NOP56: variants seen among roughly 807,000 people sequenced by gnomAD.
NOP56 encodes the protein nucleolar protein 56.
In NOP56, 31 loss-of-function variants were observed where a neutral mutation model predicts 58.3. The observed-to-expected ratio is 0.53, with a 90% confidence interval of 0.40 to 0.72. The LOEUF (loss-of-function observed/expected upper bound fraction) is 0.72. Ranked by LOEUF, NOP56 falls within the 30% of genes least tolerant of loss-of-function variation. NOP56 has a pLI of 0.00. For missense variants in NOP56, 669 were observed against 739.9 expected, an observed-to-expected ratio of 0.90 and a Z score of 1.11; for synonymous variants, 313 against 282.8, an observed-to-expected ratio of 1.11 and a Z score of -1.07.
At chr20:2,653,826 T>A (rs905704957) in intron 3 of NOP56, 5 of 261,190 alleles carry the variant, frequency 1.9e-5, no homozygotes, top group Non-Finnish European at 3.8e-5. Flanking sequence ...CGGCTAATTT[T>A]GTATTTTTGG....
intron 3 of NOP56, 57 bp downstream of exon 3, chr20:2,653,450 C>G: frequency 6.9e-7 from 1 of 1,442,194 alleles, no homozygotes; most frequent in East Asian, 2.3e-5. Flanking sequence ...GGTATCCTCT[C>G]GGGCAGCTTG....
At position 2,656,831 on chromosome 20, in the gene NOP56, CCTT is replaced by C. The variant is rs776210092; in HGVS notation, c.1220_1222del (p.Phe407del). The C allele has an allele frequency of 2.0e-5, 32 of 1,613,994 alleles. No homozygotes were observed. The highest frequency in any genetic ancestry group is 2.3e-5 in the Non-Finnish European group (27 of 1,180,050). The stretch of plus-strand genomic sequence containing the variant: ...CGAGAACAAGTTGAAGAGCGACTGT[CCTT>C]CTATGAGACTGGAGAGATACCACGA... On this transcript the variant is annotated inframe_deletion, in exon 10 of 12. Transcript: ENST00000329276.
chr20:2,654,654 T>C, intron 4 of NOP56, 79 bp downstream of exon 4: 1 of 1,606,656 alleles, frequency 6.2e-7, no homozygotes, highest in Admixed American at 1.7e-5. Context: ...TTGCTTGTTG[T>C]GATTTCTGGG....
intron 11 of NOP56, 200 bp from the exon 12 acceptor site, chr20:2,657,729 A>T: frequency 3.3e-6 from 2 of 602,200 alleles, no homozygotes; most frequent in Non-Finnish European, 5.7e-6. Context: ...TAATGGGCTG[A>T]GGTAATTTCT....
chr20:2,657,634 AAC>A lies in NOP56; in HGVS notation c.1420-293_1420-292del, dbSNP rs531607632. On this transcript the variant is annotated intron_variant, in intron 11 of 11. Transcript: ENST00000329276. ...TTTTCATTTAGCACCCAGTTTCTTA[AAC>A]AGTGTTTCAGGGCCCTGTCTGGAAC... The A allele has an allele frequency of 3.0e-4, 154 of 516,718 alleles. No individual in the cohort carries two copies. The South Asian group carries it at 3.5e-3, about 12-fold the overall frequency. The allele number at this position is 516,718 out of a possible 1,614,324, so 32.0% of individuals were successfully genotyped here.
At chr20:2,653,459 T>G in intron 3 of NOP56, 66 bp downstream of exon 3, 1 of 1,354,798 alleles carries the variant, frequency 7.4e-7, no homozygotes, top group Non-Finnish European at 1.1e-6. Context: ...TCGGGCAGCT[T>G]GTGATAGTAT....
intron 3 of NOP56, chr20:2,654,086 G>GA (rs902523348): frequency 3.8e-6 from 2 of 524,564 alleles, no homozygotes; most frequent in Middle Eastern, 5.2e-4. Flanking sequence ...CACAGGCTGA[G>GA]AAAAAAAGGT....
chr20:2,656,681 CTG>C (rs1568542987), intron 9 of NOP56, 91 bp from the exon 10 acceptor site: 2 of 1,610,970 alleles, frequency 1.2e-6, no homozygotes, highest in Admixed American at 1.7e-5. Flanking sequence ...TGTTGAGACT[CTG>C]GGTCTGAGTG....
chr20:2,653,960 G>A, intron 3 of NOP56: 1 of 339,740 alleles, frequency 2.9e-6, no homozygotes, highest in South Asian at 2.3e-5. Context: ...GCCGACAAAG[G>A]GGGGTTTCTT....
Position 2,654,769 on chromosome 20 carries a change from A to G in NOP56, c.391A>G (p.Asn131Asp). 1.2e-6 allele frequency: 2 copies of G among 1,614,002 alleles called. No individual in the cohort carries two copies. Among genetic ancestry groups the G allele is most frequent in the Non-Finnish European group, 1.7e-6 (2 of 1,180,016 alleles). Residue 131 changes from asparagine to aspartate, a missense_variant, in exon 5 of 12, where the codon AAT (asparagine) becomes GAT (aspartate). Asn to Asp is a conservative substitution (Grantham distance 23, BLOSUM62 1). Coordinates refer to ENST00000329276, the MANE Select transcript of NOP56 (RefSeq NM_006392.4). ...CTTAGGAGTTCGTCTGCACTTCCACAATCTGGTGAAGGGTCTGACCGATCT... is the reference window on the plus strand; with the variant it reads ...CTTAGGAGTTCGTCTGCACTTCCACGATCTGGTGAAGGGTCTGACCGATCT... The part of the protein sequence containing the change: ...ILRGVRLHFH[N>D]LVKGLTDLSA...
chr20:2,652,685 C>CG (rs762886867), intron 1 of NOP56, 22 bp downstream of exon 1: 35,843 of 692,384 alleles, frequency 0.052, 543 homozygotes, highest in Non-Finnish European at 0.06. Context: ...TTGCGGGGCG[C>CG]GGGCGACGCG....
Position 2,653,298 on chromosome 20 carries a change from A to T in NOP56, c.113A>T (p.Asn38Ile). Residue 38 changes from asparagine to isoleucine, a missense_variant, in exon 3 of 12, where the codon AAC (asparagine) becomes ATC (isoleucine). By Grantham distance (149) the Asn-to-Ile change is moderately radical (BLOSUM62 -3). Transcript: ENST00000329276. ...CCCCAGGTGGAGGAGTCTGTGCTCA[A>T]CCTGGGCAAATTCCACAGCATCGTT... ...LQPQVEESVL[N>I]LGKFHSIVRL... is the part of the protein sequence containing the mutation. The T allele has an allele frequency of 6.2e-7, 1 of 1,614,146 alleles. No homozygotes were observed. Among genetic ancestry groups the T allele is most frequent in the Non-Finnish European group, 8.5e-7 (1 of 1,180,016 alleles).
Position 2,657,123 on chromosome 20 carries a change from C to A in NOP56, c.1324C>A (p.Gln442Lys). The A allele has an allele frequency of 1.2e-6, 2 of 1,614,166 alleles. No individual in the cohort carries two copies. Among genetic ancestry groups the A allele is most frequent in the Middle Eastern group, 1.6e-4 (1 of 6,062 alleles). The part of the protein sequence containing the change: ...AAEITRKLEK[Q>K]EKKRLKKEKK... Reference sequence around the variant, plus strand: ...TGAGATTACTAGGAAGCTGGAGAAACAGGAGAAGAAACGCTTAAAGAAGGA... The same window carrying A: ...TGAGATTACTAGGAAGCTGGAGAAAAAGGAGAAGAAACGCTTAAAGAAGGA... Residue 442 changes from glutamine to lysine, a missense_variant, in exon 11 of 12, where the codon CAG (glutamine) becomes AAG (lysine). By Grantham distance (53) the Gln-to-Lys change is moderately conservative (BLOSUM62 1). This residue lies in a region of NOP56 where 209 missense variants were observed against 196.2 expected (regional missense o/e 1.07). Transcript: ENST00000329276.
Position 2,657,134 on chromosome 20 carries a change from A to G in NOP56, c.1335A>G (p.Lys445=). 6.2e-7 allele frequency: 1 copy of G among 1,614,134 alleles called. No homozygotes were observed. Among genetic ancestry groups the G allele is most frequent in the Non-Finnish European group, 8.5e-7 (1 of 1,180,030 alleles). ...ITRKLEKQEK[K]RLKKEKKRLA... ...GGAAGCTGGAGAAACAGGAGAAGAA[A>G]CGCTTAAAGAAGGAAAAGAAACGGC... is the stretch of plus-strand genomic sequence containing the variant. The change falls in exon 11 of 12, where the codon AAA becomes AAG. Residue 445 remains lysine, a synonymous_variant. Transcript: ENST00000329276.
At chr20:2,654,685 G>A (rs2146293765) in intron 4 of NOP56, 64 bp from the exon 5 acceptor site, 2 of 1,606,530 alleles carry the variant, frequency 1.2e-6, no homozygotes, top group Non-Finnish European at 8.5e-7. Flanking sequence ...GGCTGGGCTG[G>A]TGCCCGTGGG....
rs1408385269 is a variant in NOP56 at position 2,652,669 on chromosome 20, G to T, written c.3+6G>T. ...ACCCGGGAGCTGGCGCCATGGTGAG[G>T]AGTGGTTGCGGGGCGCGGGCGACGC... On this transcript the variant is annotated splice_donor_region_variant and intron_variant, in intron 1 of 11. Coordinates refer to ENST00000329276, the MANE Select transcript of NOP56 (RefSeq NM_006392.4). 2.1e-6 allele frequency: 3 copies of T among 1,458,150 alleles called. No individual in the cohort carries two copies. The highest frequency in any genetic ancestry group is 2.8e-5 in the East Asian group (1 of 35,444). 90.3% of individuals were successfully genotyped at this position (1,458,150 alleles called of 1,614,324 possible).
chr20:2,654,146 C>A (rs1468828788), intron 3 of NOP56: 1 of 681,430 alleles, frequency 1.5e-6, no homozygotes, highest in African/African-American at 1.7e-5. Context: ...GTGTTACAAG[C>A]TATTATTTAT....
intron 11 of NOP56, chr20:2,657,706 A>T: frequency 1.8e-6 from 1 of 551,434 alleles, no homozygotes; most frequent in Non-Finnish European, 3.1e-6. Context: ...GGTGTTTTTT[A>T]GGTTTTTTTT....
rs748311516 is a variant in NOP56 at position 2,657,140 on chromosome 20, A to G, written c.1341A>G (p.Leu447=). 1.9e-6 allele frequency: 3 copies of G among 1,614,180 alleles called. No homozygotes were observed. Among genetic ancestry groups the G allele is most frequent in the Non-Finnish European group, 1.7e-6 (2 of 1,180,032 alleles). The change falls in exon 11 of 12, where the codon TTA becomes TTG. Residue 447 remains leucine (L), a synonymous_variant. Transcript: ENST00000329276. ...RKLEKQEKKR[L]KKEKKRLAAL... ...TGGAGAAACAGGAGAAGAAACGCTTAAAGAAGGAAAAGAAACGGCTGGCTG... is the reference window on the plus strand; with the variant it reads ...TGGAGAAACAGGAGAAGAAACGCTTGAAGAAGGAAAAGAAACGGCTGGCTG...
Sources: gnomAD v4.1 joint callset for allele counts on GRCh38, gnomAD v4.1.1 for gene constraint, gnomAD v4.1.1 regional missense constraint, MANE v1.5 for transcripts, NCBI Gene and HGNC (gene_info 2026-07-23, HGNC 2026-07-21) for gene names.